RUNDC3B: variants seen among roughly 807,000 people sequenced by gnomAD.
RUNDC3B encodes the protein RUN domain containing 3B, also known as RUN domain-containing protein 3B.
RUNDC3B carries 33 observed loss-of-function variants against 58.4 expected under a neutral mutation model. The ratio of observed to expected loss-of-function variants is 0.56; its 90% CI spans 0.43 to 0.75. The LOEUF is 0.75. RUNDC3B is among the 30% of genes least tolerant of loss of function. The probability of loss-of-function intolerance (pLI) is 0.00; values close to 1 mark genes in which losing one functional copy is unlikely to be tolerated. For synonymous variants in RUNDC3B, 193 were observed against 195.2 expected (o/e 0.99, Z 0.10); for missense variants, 501 against 535.7 (o/e 0.94, Z 0.64).
At chr7:87,744,187 C>T (rs193009394) in intron 6 of RUNDC3B, among the ~76,000 whole-genome samples, 15 of 152,200 alleles carry the variant, frequency 9.9e-5, no homozygotes, top group South Asian at 4.2e-4. Context: ...ATTTTAATAC[C>T]AGTACCACAC....
intron 6 of RUNDC3B, among the ~76,000 whole-genome samples, chr7:87,768,098 T>G (rs1473448335): frequency 6.6e-6 from 1 of 152,102 alleles, no homozygotes; most frequent in African/African-American, 2.4e-5. Context: ...AGGCACACTT[T>G]TAGTGGAGAA....
intron 9 of RUNDC3B, among the ~76,000 whole-genome samples, chr7:87,812,882 T>C (rs1351830415): frequency 6.6e-6 from 1 of 152,180 alleles, no homozygotes; most frequent in Non-Finnish European, 1.5e-5. Context: ...GACAGAACTC[T>C]TATAGATCAG....
intron 1 of RUNDC3B, among the ~76,000 whole-genome samples, chr7:87,647,345 C>T (rs1023174173): frequency 2.0e-5 from 3 of 151,954 alleles, no homozygotes; most frequent in Non-Finnish European, 4.4e-5. Context: ...TAAAAATTCC[C>T]ATTTTCTAAG....
rs118074626 is a variant in RUNDC3B at position 87,672,893 on chromosome 7, A to C, written c.238+21956A>C. ...CATGGGTCAAGTTGTTTCCTTGATTAATCCCAATGTGAGTACCTGGATGTT... is the reference window on the plus strand; with the variant it reads ...CATGGGTCAAGTTGTTTCCTTGATTCATCCCAATGTGAGTACCTGGATGTT... On this transcript the variant is annotated intron_variant, in intron 2 of 10. Coordinates refer to ENST00000394654, the MANE Select transcript of RUNDC3B (RefSeq NM_001134405.2). 4.9e-4 allele frequency among the ~76,000 whole-genome samples: 75 copies of C among 152,228 alleles called. No individual in the cohort carries two copies. The East Asian group carries it at 9.5e-3, about 19-fold the overall frequency.
At chr7:87,731,947 C>G (rs1190130764) in intron 4 of RUNDC3B, among the ~76,000 whole-genome samples, 1 of 152,126 alleles carries the variant, frequency 6.6e-6, no homozygotes, top group African/African-American at 2.4e-5. Flanking sequence ...AATATTTTAT[C>G]CAATGACTGC....
intron 9 of RUNDC3B, among the ~76,000 whole-genome samples, chr7:87,809,494 C>A (rs190294572): frequency 6.6e-6 from 1 of 152,262 alleles, no homozygotes; most frequent in Non-Finnish European, 1.5e-5. Context: ...ACATGTAATA[C>A]TGGGGATAAT....
At chr7:87,632,560 A>G (rs1323047728) in intron 1 of RUNDC3B, among the ~76,000 whole-genome samples, 1 of 152,138 alleles carries the variant, frequency 6.6e-6, no homozygotes, top group Non-Finnish European at 1.5e-5. Context: ...ATATTCATAC[A>G]CTTGACTTTG....
chr7:87,689,205 G>T (rs758826445), intron 2 of RUNDC3B, among the ~76,000 whole-genome samples: 17 of 152,016 alleles, frequency 1.1e-4, no homozygotes, highest in Non-Finnish European at 2.1e-4. Context: ...TTTATAATAA[G>T]AGAGTTAAAG....
In RUNDC3B at chr7:87,628,912, C is replaced by T. The variant is rs1279340526; in HGVS notation, c.89C>T (p.Ala30Val). The change falls in exon 1 of 11, where the codon GCG becomes GTG. Residue 30 changes from alanine to valine, a missense_variant. Ala to Val is a moderately conservative substitution (Grantham distance 64). Coordinates refer to ENST00000394654, the MANE Select transcript of RUNDC3B (RefSeq NM_001134405.2). ...AAAAGCCTGAGCGCCCGCAATGCTG[C>T]GGTGGAGAGGAGGAACCTGATCACC... Reference protein sequence around the residue: ...GKKSLSARNAAVERRNLITVC... With the variant: ...GKKSLSARNAVVERRNLITVC... 2.3e-6 allele frequency: 3 copies of T among 1,308,848 alleles called. No individual in the cohort carries two copies. The highest frequency in any genetic ancestry group is 1.5e-5 in the African/African-American group (1 of 66,346). 81.1% of individuals were successfully genotyped at this position (1,308,848 alleles called of 1,614,324 possible).
At chr7:87,748,105 G>A (rs909406832) in intron 6 of RUNDC3B, among the ~76,000 whole-genome samples, 2 of 152,162 alleles carry the variant, frequency 1.3e-5, no homozygotes, top group African/African-American at 4.8e-5. Context: ...GATCCCTGTG[G>A]TACAGGCAGG....
At chr7:87,748,532 T>C (rs1832781050) in intron 6 of RUNDC3B, among the ~76,000 whole-genome samples, 1 of 152,206 alleles carries the variant, frequency 6.6e-6, no homozygotes, top group South Asian at 2.1e-4. Context: ...TATATACTTC[T>C]AAAATTTTAT....
intron 4 of RUNDC3B, among the ~76,000 whole-genome samples, chr7:87,739,538 A>G (rs1584058699): frequency 1.3e-5 from 2 of 151,956 alleles, no homozygotes; most frequent in East Asian, 3.8e-4. Flanking sequence ...TTTTTAGGAG[A>G]GCTGGAAACA....
At chr7:87,709,890 C>G (rs1829913827) in intron 3 of RUNDC3B, among the ~76,000 whole-genome samples, 1 of 152,082 alleles carries the variant, frequency 6.6e-6, no homozygotes, top group Non-Finnish European at 1.5e-5. Flanking sequence ...AATAGAAAGT[C>G]CGTAAGAAAA....
At chr7:87,811,373 C>T (rs1563224973) in intron 9 of RUNDC3B, among the ~76,000 whole-genome samples, 3 of 150,222 alleles carry the variant, frequency 2.0e-5, no homozygotes, top group Admixed American at 6.7e-5. Context: ...CTCACTCTGT[C>T]GCCAGGCTAG....
chr7:87,630,050 T>G (rs796593137), intron 1 of RUNDC3B, among the ~76,000 whole-genome samples: 1 of 152,304 alleles, frequency 6.6e-6, no homozygotes, highest in African/African-American at 2.4e-5. Context: ...AAGCATCAAT[T>G]TCTTAGGAAC....
At chr7:87,652,579 A>C (rs914948344) in intron 2 of RUNDC3B, among the ~76,000 whole-genome samples, 1 of 147,666 alleles carries the variant, frequency 6.8e-6, no homozygotes, top group African/African-American at 2.6e-5. Flanking sequence ...AAGCTAGGTA[A>C]GTTAATTTAA....
chr7:87,829,806 A>G (rs1838037554), intron 10 of RUNDC3B, 79 bp from the exon 11 acceptor site: 1 of 1,083,404 alleles, frequency 9.2e-7, no homozygotes, highest in Non-Finnish European at 1.3e-6. Flanking sequence ...GATTCTTCCA[A>G]TTTCTAATGG....
At chr7:87,807,566 C>G (rs760617496) in intron 9 of RUNDC3B, 47 bp downstream of exon 9, 1 of 1,333,498 alleles carries the variant, frequency 7.5e-7, no homozygotes, top group East Asian at 2.3e-5. Flanking sequence ...TTAGTTGTAC[C>G]AAAACATATG....
Position 87,700,538 on chromosome 7 carries a change from G to C in RUNDC3B, c.356G>C (p.Ser119Thr). 1.9e-6 allele frequency: 3 copies of C among 1,612,514 alleles called. No homozygotes were observed. Among genetic ancestry groups the C allele is most frequent in the Non-Finnish European group, 2.5e-6 (3 of 1,179,542 alleles). Residue 119 changes from serine (S) to threonine (T), a missense_variant, in exon 3 of 11, where the codon AGT (serine) becomes ACT (threonine). Transcript: ENST00000394654. ...AGCATTGAAAATATGGAAAATGTCAGTTCTTCTAGAGCTAAGGTAAGACAT... is the reference window on the plus strand; with the variant it reads ...AGCATTGAAAATATGGAAAATGTCACTTCTTCTAGAGCTAAGGTAAGACAT... ...ICSIENMENV[S>T]SSRAKGRAWI...
Sources: allele counts gnomAD v4.1 joint callset (sites outside exome capture counted in the v4.1 genomes callset), GRCh38; gene constraint gnomAD v4.1.1; transcripts MANE v1.5; gene names NCBI Gene and HGNC (gene_info 2026-07-23, HGNC 2026-07-21).